Variants in ACTG1 observed in about 807,000 individuals in gnomAD.
The protein encoded by ACTG1 is actin gamma 1, also known as actin, cytoplasmic 2.
A neutral mutation model predicts 34.3 loss-of-function variants in ACTG1; 14 were observed. That is an observed-to-expected ratio of 0.41 (90% CI 0.27 to 0.64). The LOEUF (loss-of-function observed/expected upper bound fraction) is 0.64, where lower values mean the gene tolerates loss of function less well. Among genes scored for constraint, ACTG1 ranks in the 30% least tolerant of loss-of-function variants. The pLI, the probability that ACTG1 is intolerant of heterozygous loss-of-function variation, is 0.33. For missense variants in ACTG1, 233 were observed against 529.5 expected (o/e 0.44, Z 5.50); for synonymous variants, 422 against 213.9 (o/e 1.97, Z -8.49).
Position 81,510,631 on chromosome 17 carries a change from GGC to G in ACTG1, c.*57_*58del. Reference sequence around the variant, plus strand: ...GCATGAGGTGTGTGCATTTGCCAGGGGCAAATTTCTATTCTCAATTAACCCAT... The same window carrying G: ...GCATGAGGTGTGTGCATTTGCCAGGGAAATTTCTATTCTCAATTAACCCAT... On this transcript the variant is annotated 3_prime_UTR_variant, in exon 6 of 6. Coordinates refer to ENST00000573283, the MANE Select transcript of ACTG1 (RefSeq NM_001614.5). 2.5e-6 allele frequency: 4 copies of G among 1,609,624 alleles called. No individual in the cohort carries two copies. Among genetic ancestry groups the G allele is most frequent in the Non-Finnish European group, 3.4e-6 (4 of 1,177,720 alleles).
Position 81,510,939 on chromosome 17 carries a change from G to A in ACTG1, c.972C>T (p.Thr324=), listed in dbSNP as rs1555666460. ...CCCCTCGACTCACCTTGATCTTCATGGTGCTGGGCGCCAGGGCGGTGATCT... is the reference window on the plus strand; with the variant it reads ...CCCCTCGACTCACCTTGATCTTCATAGTGCTGGGCGCCAGGGCGGTGATCT... The part of the protein sequence containing the change: ...QKEITALAPS[T]MKIKIIAPPE... Residue 324 remains threonine (T), a synonymous_variant, in exon 5 of 6, where the codon ACC becomes ACT. Coordinates refer to ENST00000573283, the MANE Select transcript of ACTG1 (RefSeq NM_001614.5). 1 of 1,614,060 alleles carries A rather than the reference G, an allele frequency of 6.2e-7. No individual in the cohort carries two copies. The highest frequency in any genetic ancestry group is 8.5e-7 in the Non-Finnish European group (1 of 1,180,006).
rs143315390 is a variant in ACTG1, at chr17:81,512,758, C to G, written c.-31G>C. ...CCGGCAGAGAAACGCGACGGCGGAG[C>G]GGCGGAAGAACAGAGTGCGAGAGCT... is the stretch of plus-strand genomic sequence containing the variant. On this transcript the variant is annotated 5_prime_UTR_variant, in exon 1 of 6. Coordinates refer to ENST00000573283, the MANE Select transcript of ACTG1 (RefSeq NM_001614.5). 4,226 of 411,636 alleles carry G rather than the reference C, an allele frequency of 0.01. 163 individuals carry two copies. Among genetic ancestry groups the G allele is most frequent in the African/African-American group, 0.084 (3,848 of 45,660 alleles). The allele number at this position is 411,636 out of a possible 1,614,324, so 25.5% of individuals were successfully genotyped here.
rs2031825969 is a variant in ACTG1, at chr17:81,511,988, T to C, written c.278A>G (p.Glu93Gly). ...GTGCTCCTCCGGGGCCACGCGCAGC[T>C]CGTTGTAGAAGGTGTGGTGCCAGAT... ...EKIWHHTFYN[E>G]LRVAPEEHPV... The change falls in exon 3 of 6, where the codon GAG becomes GGG. Residue 93 changes from glutamate to glycine, a missense_variant. Glu to Gly is a moderately conservative substitution (Grantham distance 98). Coordinates refer to ENST00000573283, the MANE Select transcript of ACTG1 (RefSeq NM_001614.5). The C allele has an allele frequency of 6.2e-7, 1 of 1,613,914 alleles. No homozygotes were observed. The highest frequency in any genetic ancestry group is 2.2e-5 in the East Asian group (1 of 44,888).
At chr17:81,511,874 G>T (rs782198284) in intron 3 of ACTG1, 29 bp downstream of exon 3, 1 of 1,613,846 alleles carries the variant, frequency 6.2e-7, no homozygotes, top group Middle Eastern at 1.7e-4. Context: ...GAAAGGACGG[G>T]AGGAGCACGG....
chr17:81,512,374 G>C lies in ACTG1; in HGVS notation c.-6-14C>G, dbSNP rs188773798. The C allele has an allele frequency of 4.0e-5, 65 of 1,613,762 alleles. 1 individual carries two copies. In the South Asian group the frequency reaches 5.7e-4, roughly 14 times the overall value. On this transcript the variant is annotated splice_polypyrimidine_tract_variant and intron_variant, in intron 1 of 5. Coordinates refer to ENST00000573283, the MANE Select transcript of ACTG1 (RefSeq NM_001614.5). ...TTCCATTGCGACCTGCCCGGAAAAG[G>C]ATGGACTCAGGCGGGCGCGTCTGTA...
chr17:81,512,097 CG>C lies in ACTG1; in HGVS notation c.168del (p.Asp56GlufsTer10). The part of the protein sequence containing the change: ...GMGQKDSYVG[D>X]EAQSKRGILT... ...AGGATGCCACGCTTGCTCTGGGCCT[CG>C]TCGCCCACGTAGGAGTCCTTCTGGC... On this transcript the variant is annotated frameshift_variant, in exon 3 of 6. Transcript: ENST00000573283. LOFTEE classifies it high-confidence loss of function. 1 of 1,613,822 alleles carries C rather than the reference CG, an allele frequency of 6.2e-7. No homozygotes were observed. Among genetic ancestry groups the C allele is most frequent in the Non-Finnish European group, 8.5e-7 (1 of 1,180,032 alleles).
chr17:81,510,354 C>T lies in ACTG1; in HGVS notation c.*336G>A. The stretch of plus-strand genomic sequence containing the variant: ...CCTGCACAGATCAGAGGCTGCTGGC[C>T]ACACAGACTCACCAAGCCACAGACT... On this transcript the variant is annotated 3_prime_UTR_variant, in exon 6 of 6. Coordinates refer to ENST00000573283, the MANE Select transcript of ACTG1 (RefSeq NM_001614.5). The T allele has an allele frequency of 2.2e-6, 1 of 450,338 alleles. No individual in the cohort carries two copies. Among genetic ancestry groups the T allele is most frequent in the Non-Finnish European group, 4.2e-6 (1 of 238,028 alleles). The allele number at this position is 450,338 out of a possible 1,614,324, so 27.9% of individuals were successfully genotyped here.
chr17:81,512,708 C>A, intron 1 of ACTG1, 26 bp downstream of exon 1: 2 of 408,224 alleles, frequency 4.9e-6, no homozygotes, highest in South Asian at 3.7e-5. Flanking sequence ...CGACGTCCAG[C>A]TCAGGCCCCG....
rs1170099773 is a variant in ACTG1, at chr17:81,510,448, CAA to C, written c.*240_*241del. 2.8e-5 allele frequency: 18 copies of C among 654,016 alleles called. No individual in the cohort carries two copies. Among genetic ancestry groups the C allele is most frequent in the Non-Finnish European group, 4.7e-5 (17 of 361,376 alleles). 40.5% of individuals were successfully genotyped at this position (654,016 alleles called of 1,614,324 possible). On this transcript the variant is annotated 3_prime_UTR_variant, in exon 6 of 6. Transcript: ENST00000573283. The stretch of plus-strand genomic sequence containing the variant: ...AGCCACACGTACTAAAGGTTGAACT[CAA>C]AGATATGTACAGGGTATTAAACAAA...
At chr17:81,512,618 G>C (rs2031888426) in intron 1 of ACTG1, 116 bp downstream of exon 1, 1 of 552,026 alleles carries the variant, frequency 1.8e-6, no homozygotes, top group Non-Finnish European at 3.2e-6. Flanking sequence ...GGCCCACCCC[G>C]CCTTTTGTTC....
In ACTG1 at chr17:81,510,841, G is replaced by A. The variant is rs1598547000; in HGVS notation, c.985-8C>T. ...CTCTGGGGGTGCGATGATCTGCAAA[G>A]ACAGCCAGGCACGGCTTCAGCTCAC... On this transcript the variant is annotated splice_region_variant and splice_polypyrimidine_tract_variant and intron_variant, in intron 5 of 5. Transcript: ENST00000573283. 2.5e-6 allele frequency: 4 copies of A among 1,613,270 alleles called. No individual in the cohort carries two copies. The highest frequency in any genetic ancestry group is 2.2e-5 in the East Asian group (1 of 44,688).
Position 81,511,115 on chromosome 17 carries a change from G to T in ACTG1, c.803-7C>A, listed in dbSNP as rs150136833. The T allele has an allele frequency of 4.3e-6, 7 of 1,613,836 alleles. No homozygotes were observed. Among genetic ancestry groups the T allele is most frequent in the East Asian group, 4.5e-5 (2 of 44,900 alleles). On this transcript the variant is annotated splice_polypyrimidine_tract_variant and splice_region_variant and intron_variant, in intron 4 of 5. Coordinates refer to ENST00000573283, the MANE Select transcript of ACTG1 (RefSeq NM_001614.5). ...ATGCCGCAAGATTCCATACCTAGGGGACAGAGCCCTCCCTTAGTGATGCTG... is the reference window on the plus strand; with the variant it reads ...ATGCCGCAAGATTCCATACCTAGGGTACAGAGCCCTCCCTTAGTGATGCTG...
rs1364003906 is a variant in ACTG1 at position 81,510,537 on chromosome 17, G to A, written c.*153C>T. The A allele has an allele frequency of 6.2e-6, 6 of 963,626 alleles. No homozygotes were observed. Among genetic ancestry groups the A allele is most frequent in the East Asian group, 5.1e-5 (2 of 39,456 alleles). The allele number at this position is 963,626 out of a possible 1,614,324, so 59.7% of individuals were successfully genotyped here. On this transcript the variant is annotated 3_prime_UTR_variant, in exon 6 of 6. Coordinates refer to ENST00000573283, the MANE Select transcript of ACTG1 (RefSeq NM_001614.5). ...AATCAGCAACAAGTTCTACAATCCA[G>A]TGCTGATATCAGATACAAGCTTCAA...
rs1373532775 is a variant in ACTG1, at chr17:81,510,017, C to G, written c.*673G>C. The G allele has an allele frequency of 7.1e-6, 3 of 425,368 alleles. No homozygotes were observed. Among genetic ancestry groups the G allele is most frequent in the African/African-American group, 2.1e-5 (1 of 48,256 alleles). 26.3% of individuals were successfully genotyped at this position (425,368 alleles called of 1,614,324 possible). On this transcript the variant is annotated 3_prime_UTR_variant, in exon 6 of 6. Transcript: ENST00000573283. Reference sequence around the variant, plus strand: ...TTTTTCCTTACACAATGACGTGTTGCTGGGGCCTAATGTTCTCACATAACA... The same window carrying G: ...TTTTTCCTTACACAATGACGTGTTGGTGGGGCCTAATGTTCTCACATAACA...
chr17:81,511,301 G>T lies in ACTG1; in HGVS notation c.689C>A (p.Ala230Asp), dbSNP rs782124831. ...ALDFEQEMAT[A>D]ASSSSLEKSY... ...CTTCTCCAGAGAAGAGGAGGATGCG[G>T]CGGTGGCCATCTCCTGCTCGAAGTC... Residue 230 changes from alanine to aspartate, a missense_variant, in exon 4 of 6, where the codon GCC becomes GAC. Ala to Asp is a moderately radical substitution (Grantham distance 126). Transcript: ENST00000573283. 1 of 1,613,788 alleles carries T rather than the reference G, an allele frequency of 6.2e-7. No homozygotes were observed. Among genetic ancestry groups the T allele is most frequent in the African/African-American group, 1.3e-5 (1 of 75,060 alleles).
Position 81,510,006 on chromosome 17 carries a change from A to T in ACTG1, c.*684T>A, listed in dbSNP as rs1358242256. ...CAGCACTTTTATTTTTCCTTACACA[A>T]TGACGTGTTGCTGGGGCCTAATGTT... On this transcript the variant is annotated 3_prime_UTR_variant, in exon 6 of 6. Coordinates refer to ENST00000573283, the MANE Select transcript of ACTG1 (RefSeq NM_001614.5). The T allele has an allele frequency of 2.4e-6, 1 of 420,314 alleles. No individual in the cohort carries two copies. Among genetic ancestry groups the T allele is most frequent in the South Asian group, 1.7e-5 (1 of 59,270 alleles). 26.0% of individuals were successfully genotyped at this position (420,314 alleles called of 1,614,324 possible).
At position 81,510,007 on chromosome 17, in the gene ACTG1, T is replaced by C. The variant is rs569445079; in HGVS notation, c.*683A>G. ...AGCACTTTTATTTTTCCTTACACAA[T>C]GACGTGTTGCTGGGGCCTAATGTTC... On this transcript the variant is annotated 3_prime_UTR_variant, in exon 6 of 6. Coordinates refer to ENST00000573283, the MANE Select transcript of ACTG1 (RefSeq NM_001614.5). 3 of 420,404 alleles carry C rather than the reference T, an allele frequency of 7.1e-6. No individual in the cohort carries two copies. The highest frequency in any genetic ancestry group is 1.4e-5 in the Non-Finnish European group (3 of 210,860). The allele number at this position is 420,404 out of a possible 1,614,324, so 26.0% of individuals were successfully genotyped here. A position where few individuals can be genotyped will look rare whatever the true frequency, so the allele number is the denominator to read the frequency against.
In ACTG1 at chr17:81,510,521, C is replaced by G. The variant is rs1555666213; in HGVS notation, c.*169G>C. On this transcript the variant is annotated 3_prime_UTR_variant, in exon 6 of 6. Coordinates refer to ENST00000573283, the MANE Select transcript of ACTG1 (RefSeq NM_001614.5). ...TTCAATACAAGGTCAAAATCAGCAACAAGTTCTACAATCCAGTGCTGATAT... is the reference window on the plus strand; with the variant it reads ...TTCAATACAAGGTCAAAATCAGCAAGAAGTTCTACAATCCAGTGCTGATAT... 4.5e-6 allele frequency: 4 copies of G among 879,364 alleles called. No homozygotes were observed. In the Admixed American group the frequency reaches 7.9e-5, roughly 17 times the overall value. 54.5% of individuals were successfully genotyped at this position (879,364 alleles called of 1,614,324 possible).
In ACTG1 at chr17:81,510,121, T is replaced by A. The variant is rs1294020853; in HGVS notation, c.*569A>T. The A allele has an allele frequency of 2.1e-6, 1 of 465,770 alleles. No individual in the cohort carries two copies. The highest frequency in any genetic ancestry group is 4.2e-6 in the Non-Finnish European group (1 of 237,264). 28.9% of individuals were successfully genotyped at this position (465,770 alleles called of 1,614,324 possible). Reference sequence around the variant, plus strand: ...AAAAAAACCTTACATAAATTAAGAATGAATACATTTACAGGCGTAAATGCA... The same window carrying A: ...AAAAAAACCTTACATAAATTAAGAAAGAATACATTTACAGGCGTAAATGCA... On this transcript the variant is annotated 3_prime_UTR_variant, in exon 6 of 6. Transcript: ENST00000573283.
Sources: allele counts gnomAD v4.1 joint callset, GRCh38; gene constraint gnomAD v4.1.1; transcripts MANE v1.5; gene names NCBI Gene and HGNC (gene_info 2026-07-23, HGNC 2026-07-21).